Variants in BLK observed in about 807,000 individuals in gnomAD.
BLK encodes the protein tyrosine-protein kinase Blk.
Under a neutral mutation model 61.8 loss-of-function variants are expected in BLK, and 64 were observed. The observed-to-expected ratio is 1.03, with a 90% CI of 0.85 to 1.27. The LOEUF (loss-of-function observed/expected upper bound fraction) is 1.27. Ranked by LOEUF, BLK falls within the 50% of genes most tolerant of loss-of-function variation. The pLI is 0.00. For missense variants in BLK, 853 were observed against 660.5 expected (o/e 1.29, Z -3.19); for synonymous variants, 351 against 272.0 (o/e 1.29, Z -2.86).
chr8:11,539,768 T>C (rs954048891), intron 1 of BLK, among the ~76,000 whole-genome samples: 1 of 152,212 alleles, frequency 6.6e-6, no homozygotes, highest in Admixed American at 6.5e-5. Context: ...AGAAGATTAA[T>C]CCTAGAAATG....
At chr8:11,520,448 G>A (rs6994857) in intron 1 of BLK, among the ~76,000 whole-genome samples, 1,281 of 116,720 alleles carry the variant, frequency 0.011, 19 homozygotes, top group Middle Eastern at 0.041. Flanking sequence ...CACACTTCCA[G>A]CCTGGGCAAT....
rs1585416548 is a variant in BLK, at chr8:11,557,758, C to A, written c.953-204C>A. The A allele has an allele frequency of 5.4e-6, 3 of 560,132 alleles. No individual in the cohort carries two copies. The East Asian group carries it at 1.0e-4, about 19-fold the overall frequency. 34.7% of individuals were successfully genotyped at this position (560,132 alleles called of 1,614,324 possible). On this transcript the variant is annotated intron_variant, in intron 9 of 12. Coordinates refer to ENST00000259089, the MANE Select transcript of BLK (RefSeq NM_001715.3). ...TGGGCAACTGCTGGTATATTGGCTG[C>A]CTCCCGGGGTGCTGAGACTGGCATT...
At chr8:11,499,163 G>C (rs1798468104) in intron 1 of BLK, among the ~76,000 whole-genome samples, 2 of 152,200 alleles carry the variant, frequency 1.3e-5, no homozygotes, top group Admixed American at 1.3e-4. Flanking sequence ...GCCTGTACCT[G>C]TTCTATGTTT....
chr8:11,511,644 TC>T (rs1799011755), intron 1 of BLK, among the ~76,000 whole-genome samples: 1 of 152,214 alleles, frequency 6.6e-6, no homozygotes, highest in Non-Finnish European at 1.5e-5. Flanking sequence ...CTGCTAGGTT[TC>T]CCACTTATTA....
intron 10 of BLK, chr8:11,559,673 C>A: frequency 2.2e-6 from 1 of 448,020 alleles, no homozygotes. Context: ...AGGAACCCTG[C>A]AATCACAATC....
At chr8:11,498,784 G>C (rs1798451226) in intron 1 of BLK, among the ~76,000 whole-genome samples, 2 of 152,164 alleles carry the variant, frequency 1.3e-5, no homozygotes, top group Admixed American at 1.3e-4. Flanking sequence ...TTCATTCATT[G>C]ATAATAGCAC....
At chr8:11,541,329 T>A (rs751414970) in intron 1 of BLK, among the ~76,000 whole-genome samples, 33 of 152,150 alleles carry the variant, frequency 2.2e-4, no homozygotes, top group Non-Finnish European at 2.1e-4. Flanking sequence ...TATGCTGTAA[T>A]CAAATAGTAT....
At position 11,564,168 on chromosome 8, in the gene BLK, C is replaced by G. The variant is rs1801620784; in HGVS notation, c.*60C>G. ...TGCGCGGACGACCCCGACTTCCGTGCCATCCCAGACGGGCCGCGAAGGCGG... is the reference window on the plus strand; with the variant it reads ...TGCGCGGACGACCCCGACTTCCGTGGCATCCCAGACGGGCCGCGAAGGCGG... On this transcript the variant is annotated 3_prime_UTR_variant, in exon 13 of 13. Coordinates refer to ENST00000259089, the MANE Select transcript of BLK (RefSeq NM_001715.3). 6.6e-7 allele frequency: 1 copy of G among 1,516,324 alleles called. No individual in the cohort carries two copies. The highest frequency in any genetic ancestry group is 1.4e-5 in the African/African-American group (1 of 72,626). The allele number at this position is 1,516,324 out of a possible 1,614,324, so 93.9% of individuals were successfully genotyped here.
At chr8:11,517,332 GC>G (rs1321145008) in intron 1 of BLK, among the ~76,000 whole-genome samples, 4 of 152,296 alleles carry the variant, frequency 2.6e-5, no homozygotes, top group African/African-American at 7.2e-5. Flanking sequence ...AGATGGAGCT[GC>G]CATTCACAGC....
rs1180595828 is a variant in BLK, at chr8:11,549,101, T to C, written c.347T>C (p.Val116Ala). ...GYVPSNFVAR[V>A]ESLEMERWFF... is the part of the protein sequence containing the mutation. ...GTGCCCAGTAACTTTGTGGCCCGAG[T>C]GGAGAGCCTGGAAATGGAAAGGTAG... Residue 116 changes from valine to alanine, a missense_variant, in exon 5 of 13, where the codon GTG (valine) becomes GCG (alanine). Val to Ala is a moderately conservative substitution (Grantham distance 64). Transcript: ENST00000259089. The C allele has an allele frequency of 5.6e-6, 9 of 1,608,062 alleles. No individual in the cohort carries two copies. The Admixed American group carries it at 1.3e-4, about 24-fold the overall frequency.
intron 1 of BLK, among the ~76,000 whole-genome samples, chr8:11,496,866 A>G (rs1798378738): frequency 6.6e-6 from 1 of 152,068 alleles, no homozygotes; most frequent in Non-Finnish European, 1.5e-5. Context: ...GGCCTCTAGG[A>G]TGTAGAGAGG....
intron 4 of BLK, among the ~76,000 whole-genome samples, chr8:11,548,602 C>T (rs756578050): frequency 6.6e-6 from 1 of 152,220 alleles, no homozygotes; most frequent in Non-Finnish European, 1.5e-5. Flanking sequence ...CAGGCTTGTC[C>T]TGTGGAGCTC....
chr8:11,543,499 C>T (rs1321142415), intron 2 of BLK, 152 bp downstream of exon 2: 12 of 1,110,144 alleles, frequency 1.1e-5, no homozygotes, highest in South Asian at 3.0e-5. Flanking sequence ...CAATATAACA[C>T]GCACAGGACC....
intron 1 of BLK, among the ~76,000 whole-genome samples, chr8:11,510,165 T>C (rs1257871570): frequency 6.6e-6 from 1 of 152,230 alleles, no homozygotes; most frequent in Non-Finnish European, 1.5e-5. Context: ...TCTTTCCTAA[T>C]CCCTTCAAGG....
chr8:11,550,217 A>C lies in BLK; in HGVS notation c.427A>C (p.Asn143His), dbSNP rs1056884367. The C allele has an allele frequency of 1.9e-6, 3 of 1,614,124 alleles. No homozygotes were observed. The East Asian group carries it at 6.7e-5, about 36-fold the overall frequency. ...EAERQLLAPI[N>H]KAGSFLIRES... is the part of the protein sequence containing the mutation. ...TGAGAGGCAGCTTCTTGCTCCAATC[A>C]ACAAGGCCGGCTCCTTTCTTATCAG... Residue 143 changes from asparagine to histidine, a missense_variant, in exon 6 of 13, where the codon AAC becomes CAC. Asn to His is a moderately conservative substitution (Grantham distance 68). Coordinates refer to ENST00000259089, the MANE Select transcript of BLK (RefSeq NM_001715.3).
At chr8:11,539,091 G>C (rs113343097) in intron 1 of BLK, among the ~76,000 whole-genome samples, 6 of 149,988 alleles carry the variant, frequency 4.0e-5, no homozygotes, top group African/African-American at 1.5e-4. Flanking sequence ...TTTTTGTTTT[G>C]TTTTGCCTTA....
chr8:11,503,043 C>T (rs548920049), intron 1 of BLK, among the ~76,000 whole-genome samples: 15 of 152,330 alleles, frequency 9.8e-5, no homozygotes, highest in African/African-American at 3.6e-4. Context: ...CTCATCTCTA[C>T]TCTCTGCTGG....
chr8:11,539,575 T>G lies in BLK; in HGVS notation c.-1-3649T>G, dbSNP rs866618774. On this transcript the variant is annotated intron_variant, in intron 1 of 12. Coordinates refer to ENST00000259089, the MANE Select transcript of BLK (RefSeq NM_001715.3). ...GAGTGGGACTGAAAATCAAAAGGTA[T>G]GTGTGCTTTTTTATTTTAACAGAAT... 2.0e-5 allele frequency among the ~76,000 whole-genome samples: 3 copies of G among 152,214 alleles called. No individual in the cohort carries two copies. The South Asian group carries it at 6.2e-4, about 32-fold the overall frequency.
At chr8:11,525,207 T>G (rs1440930699) in intron 1 of BLK, among the ~76,000 whole-genome samples, 2 of 152,218 alleles carry the variant, frequency 1.3e-5, no homozygotes, top group Non-Finnish European at 2.9e-5. Flanking sequence ...TTGCTTTAAG[T>G]AATTGCTTGT....
Sources: gnomAD v4.1 joint callset for allele counts (sites outside exome capture counted in the v4.1 genomes callset) on GRCh38, gnomAD v4.1.1 for gene constraint, MANE v1.5 for transcripts, NCBI Gene and HGNC (gene_info 2026-07-23, HGNC 2026-07-21) for gene names.